Variants in U2SURP observed in about 807,000 individuals in gnomAD.
U2SURP encodes U2 snRNP associated SURP domain containing.
A neutral mutation model predicts 144.9 loss-of-function variants in U2SURP; 9 were observed. The observed-to-expected ratio is 0.06, with a 90% CI of 0.04 to 0.11. U2SURP has a LOEUF of 0.11. U2SURP is among the 10% of genes least tolerant of loss of function. The pLI is 1.00. For missense variants in U2SURP, 724 were observed against 1,226.7 expected, an observed-to-expected ratio of 0.59 and a Z score of 6.12; for synonymous variants, 408 against 396.8, an observed-to-expected ratio of 1.03 and a Z score of -0.33.
Position 143,046,941 on chromosome 3 carries a change from CAG to C in U2SURP, c.2544+3666_2544+3667del, listed in dbSNP as rs1368239240. ...CTCCCGGACGGGGCGGCTGGCCGGG[CAG>C]GGGGCTGACCTCCCCCACCTCCCTC... On this transcript the variant is annotated intron_variant, in intron 24 of 27. Coordinates refer to ENST00000473835, the MANE Select transcript of U2SURP (RefSeq NM_001080415.2). 1.1e-3 allele frequency among the ~76,000 whole-genome samples: 87 copies of C among 81,452 alleles called. 3 individuals are homozygous for C. The highest frequency in any genetic ancestry group is 4.6e-3 in the African/African-American group (80 of 17,206). The allele number at this position is 81,452 out of a possible 152,430, so 53.4% of individuals were successfully genotyped here.
intron 23 of U2SURP, among the ~76,000 whole-genome samples, chr3:143,039,887 T>C (rs938803818): frequency 6.6e-6 from 1 of 151,920 alleles, no homozygotes; most frequent in African/African-American, 2.4e-5. Flanking sequence ...TTGGTGTGAT[T>C]AGAACAAGTC....
chr3:143,055,189 T>C, intron 27 of U2SURP, 70 bp downstream of exon 27: 1 of 1,373,428 alleles, frequency 7.3e-7, no homozygotes, highest in Non-Finnish European at 9.7e-7. Flanking sequence ...CTTTTGAAAA[T>C]AATTTGGTTG....
At chr3:143,008,556 T>C (rs949946195) in intron 1 of U2SURP, among the ~76,000 whole-genome samples, 3 of 152,248 alleles carry the variant, frequency 2.0e-5, no homozygotes, top group Non-Finnish European at 2.9e-5. Flanking sequence ...TATCTTAATA[T>C]TGAATTTTCC....
intron 6 of U2SURP, among the ~76,000 whole-genome samples, chr3:143,018,144 A>G (rs899328174): frequency 1.3e-5 from 2 of 152,306 alleles, no homozygotes; most frequent in African/African-American, 2.4e-5. Flanking sequence ...CTCTAATTTC[A>G]GAATATTTTT....
intron 19 of U2SURP, among the ~76,000 whole-genome samples, chr3:143,035,663 A>C (rs1375079104): frequency 1.3e-5 from 2 of 152,136 alleles, no homozygotes; most frequent in Non-Finnish European, 2.9e-5. Flanking sequence ...AGTTTTAGTA[A>C]GTTTCTATGT....
At chr3:143,020,131 A>G in intron 7 of U2SURP, 95 bp downstream of exon 7, 1 of 681,824 alleles carries the variant, frequency 1.5e-6, no homozygotes, top group Non-Finnish European at 2.2e-6. Flanking sequence ...CCAGTTAGTT[A>G]TTACTAACCA....
At position 143,014,520 on chromosome 3, in the gene U2SURP, C is replaced by G. The variant is rs745520861; in HGVS notation, c.321+111C>G. ...AGATTCTTAACCTCTAGGATATTCT[C>G]AGGTCCGCCTCTGAGTCAAGTCTGT... On this transcript the variant is annotated intron_variant, in intron 4 of 27. Coordinates refer to ENST00000473835, the MANE Select transcript of U2SURP (RefSeq NM_001080415.2). 382 of 616,418 alleles carry G rather than the reference C, an allele frequency of 6.2e-4. 3 individuals carry two copies. The highest frequency in any genetic ancestry group is 1.7e-4 in the Non-Finnish European group (66 of 380,144). 38.2% of individuals were successfully genotyped at this position (616,418 alleles called of 1,614,324 possible). A position where few individuals can be genotyped will look rare whatever the true frequency, so the allele number is the denominator to read the frequency against.
chr3:143,026,986 G>T, intron 13 of U2SURP, 163 bp from the exon 14 acceptor site: 1 of 563,616 alleles, frequency 1.8e-6, no homozygotes, highest in Non-Finnish European at 3.2e-6. Flanking sequence ...CCCTCTTAAT[G>T]CACAAGGCAT....
At chr3:143,016,736 C>A in intron 5 of U2SURP, 106 bp from the exon 6 acceptor site, 1 of 951,902 alleles carries the variant, frequency 1.1e-6, no homozygotes, top group Non-Finnish European at 1.5e-6. Flanking sequence ...AATAGTGATA[C>A]ATCTTAATAC....
chr3:143,006,605 AT>A (rs1935846377), intron 1 of U2SURP, among the ~76,000 whole-genome samples: 1 of 152,090 alleles, frequency 6.6e-6, no homozygotes, highest in Non-Finnish European at 1.5e-5. Flanking sequence ...AAAATACAAA[AT>A]TAGCTGGGCA....
chr3:143,024,998 TAATAG>T (rs1316262373), intron 13 of U2SURP, among the ~76,000 whole-genome samples: 1 of 152,140 alleles, frequency 6.6e-6, no homozygotes, highest in Non-Finnish European at 1.5e-5. Context: ...TGTTTTATTC[TAATAG>T]AAAAGTCACC....
intron 16 of U2SURP, among the ~76,000 whole-genome samples, chr3:143,030,941 C>T (rs1006209494): frequency 6.6e-6 from 1 of 152,056 alleles, no homozygotes; most frequent in African/African-American, 2.4e-5. Flanking sequence ...CTATAAAAAT[C>T]GACATTAACA....
intron 23 of U2SURP, among the ~76,000 whole-genome samples, chr3:143,039,537 T>C (rs926216918): frequency 5.9e-5 from 9 of 151,824 alleles, no homozygotes; most frequent in African/African-American, 2.2e-4. Context: ...CTCCTGCAAG[T>C]CTGTATTGGC....
At chr3:143,047,969 T>C (rs973938579) in intron 24 of U2SURP, among the ~76,000 whole-genome samples, 2 of 152,188 alleles carry the variant, frequency 1.3e-5, no homozygotes, top group African/African-American at 4.8e-5. Context: ...GGCTGGAGTT[T>C]CCTTTTCTTA....
At chr3:143,043,525 G>C (rs1196647603) in intron 24 of U2SURP, among the ~76,000 whole-genome samples, 1 of 152,004 alleles carries the variant, frequency 6.6e-6, no homozygotes, top group Non-Finnish European at 1.5e-5. Flanking sequence ...GTATTGTGGG[G>C]TATGTATGTG....
At chr3:143,051,103 T>G in intron 25 of U2SURP, 54 bp downstream of exon 25, 1 of 1,119,232 alleles carries the variant, frequency 8.9e-7, no homozygotes, top group Non-Finnish European at 1.3e-6. Flanking sequence ...TTTATTTGAC[T>G]TCCTAGAATA....
chr3:143,018,853 A>C (rs1936503528), intron 6 of U2SURP, among the ~76,000 whole-genome samples: 1 of 152,154 alleles, frequency 6.6e-6, no homozygotes, highest in African/African-American at 2.4e-5. Context: ...TGAACTCGGG[A>C]GGCAGAGGTT....
chr3:143,020,534 G>T (rs149411539), intron 7 of U2SURP, 65 bp from the exon 8 acceptor site: 3 of 1,018,496 alleles, frequency 2.9e-6, no homozygotes, highest in African/African-American at 1.6e-5. Flanking sequence ...TTTGATAAGC[G>T]CTATTCTGAA....
intron 21 of U2SURP, among the ~76,000 whole-genome samples, chr3:143,037,844 A>G (rs1006234709): frequency 2.0e-5 from 3 of 152,138 alleles, no homozygotes; most frequent in Admixed American, 2.0e-4. Flanking sequence ...TAAAGATATT[A>G]AAGATTTGTT....
Sources: gnomAD v4.1 joint callset for allele counts (sites outside exome capture counted in the v4.1 genomes callset) on GRCh38, gnomAD v4.1.1 for gene constraint, MANE v1.5 for transcripts, NCBI Gene and HGNC (gene_info 2026-07-23, HGNC 2026-07-21) for gene names.